Variants in SLC44A1 observed in about 807,000 individuals in gnomAD.
The protein encoded by SLC44A1 is choline transporter-like protein 1.
Under a neutral mutation model 79.3 loss-of-function variants are expected in SLC44A1, and 26 were observed. The observed-to-expected ratio is 0.33, with a 90% CI of 0.24 to 0.46. SLC44A1 has a LOEUF of 0.46. Ranked by LOEUF, SLC44A1 falls within the 20% of genes least tolerant of loss-of-function variation. The probability of loss-of-function intolerance (pLI) is 1.00; values close to 1 mark genes in which losing one functional copy is unlikely to be tolerated. For synonymous variants in SLC44A1, 263 were observed against 286.2 expected (o/e 0.92, Z 0.82); for missense variants, 688 against 798.1 (o/e 0.86, Z 1.66).
intron 1 of SLC44A1, among the ~76,000 whole-genome samples, chr9:105,290,969 G>A (rs1315154867): frequency 2.6e-5 from 4 of 152,194 alleles, no homozygotes; most frequent in African/African-American, 7.2e-5. Flanking sequence ...CTTAGCAAAT[G>A]AAACAGATTA....
chr9:105,264,355 T>C (rs1305514148), intron 1 of SLC44A1, among the ~76,000 whole-genome samples: 2 of 152,068 alleles, frequency 1.3e-5, no homozygotes, highest in African/African-American at 4.8e-5. Context: ...TTTGTAGAGA[T>C]GAGTTCTCAT....
chr9:105,279,016 G>GC (rs1193767635), intron 1 of SLC44A1, among the ~76,000 whole-genome samples: 1 of 152,052 alleles, frequency 6.6e-6, no homozygotes, highest in African/African-American at 2.4e-5. Flanking sequence ...AACAAACTGT[G>GC]CTGCTGACCT....
In SLC44A1 at chr9:105,322,030, C is replaced by T. The variant is rs149617126; in HGVS notation, c.269+12164C>T. 3.5e-3 allele frequency among the ~76,000 whole-genome samples: 531 copies of T among 152,126 alleles called. 7 individuals carry two copies. Among genetic ancestry groups the T allele is most frequent in the African/African-American group, 0.012 (507 of 41,492 alleles). ...AAATGTTTTTAAATTGTTTCTCATT[C>T]ACAAAATAATTTGAAAGGATTAGAA... is the stretch of plus-strand genomic sequence containing the variant. On this transcript the variant is annotated intron_variant, in intron 3 of 15. Transcript: ENST00000374720.
intron 2 of SLC44A1, among the ~76,000 whole-genome samples, chr9:105,304,210 G>T (rs916552108): frequency 6.6e-6 from 1 of 152,128 alleles, no homozygotes; most frequent in Non-Finnish European, 1.5e-5. Flanking sequence ...CCCAGGGCAT[G>T]ATGTTTCTAC....
At chr9:105,325,952 A>T (rs1826563158) in intron 3 of SLC44A1, among the ~76,000 whole-genome samples, 1 of 152,120 alleles carries the variant, frequency 6.6e-6, no homozygotes, top group African/African-American at 2.4e-5. Context: ...AAGAAAATGA[A>T]ATTTCTGGCC....
intron 6 of SLC44A1, chr9:105,357,102 C>T (rs554570369): frequency 6.6e-6 from 1 of 152,254 alleles, no homozygotes; most frequent in East Asian, 1.9e-4. Context: ...AAGATACAAG[C>T]TGTATTTCCG....
At chr9:105,275,297 A>G (rs1346304752) in intron 1 of SLC44A1, among the ~76,000 whole-genome samples, 1 of 152,218 alleles carries the variant, frequency 6.6e-6, no homozygotes, top group Non-Finnish European at 1.5e-5. Flanking sequence ...AATGTGTTTT[A>G]CAGCATCAGG....
chr9:105,319,940 G>T (rs1398623419), intron 3 of SLC44A1, among the ~76,000 whole-genome samples: 1 of 152,156 alleles, frequency 6.6e-6, no homozygotes, highest in South Asian at 2.1e-4. Context: ...GTAACTATAT[G>T]CAGTCATGCA....
chr9:105,391,005 A>G lies in SLC44A1; in HGVS notation c.*1949A>G. Reference sequence around the variant, plus strand: ...GAGAGCAAATCATGTGAGAAAATTCAGAATACCATCTGTTTCATAGCCGCA... The same window carrying G: ...GAGAGCAAATCATGTGAGAAAATTCGGAATACCATCTGTTTCATAGCCGCA... On this transcript the variant is annotated 3_prime_UTR_variant, in exon 16 of 16. Coordinates refer to ENST00000374720, the MANE Select transcript of SLC44A1 (RefSeq NM_080546.5). 1.0e-6 allele frequency: 1 copy of G among 985,502 alleles called. No individual in the cohort carries two copies. The highest frequency in any genetic ancestry group is 1.2e-6 in the Non-Finnish European group (1 of 829,566). The allele number at this position is 985,502 out of a possible 1,614,324, so 61.0% of individuals were successfully genotyped here.
chr9:105,389,125 G>A lies in SLC44A1; in HGVS notation c.*69G>A, dbSNP rs375377064. 24 of 1,582,092 alleles carry A rather than the reference G, an allele frequency of 1.5e-5. No homozygotes were observed. The African/African-American group carries it at 2.7e-4, about 18-fold the overall frequency. Reference sequence around the variant, plus strand: ...TATATACACATAACTATGTATTTGTGTGTGTGGGTGTGTGTATATATGTAT... The same window carrying A: ...TATATACACATAACTATGTATTTGTATGTGTGGGTGTGTGTATATATGTAT... On this transcript the variant is annotated 3_prime_UTR_variant, in exon 16 of 16. Transcript: ENST00000374720.
rs1829384250 is a variant in SLC44A1, at chr9:105,244,805, T to G, written c.-64T>G. 3 of 1,046,344 alleles carry G rather than the reference T, an allele frequency of 2.9e-6. No homozygotes were observed. The highest frequency in any genetic ancestry group is 1.7e-5 in the African/African-American group (1 of 58,126). The allele number at this position is 1,046,344 out of a possible 1,614,324, so 64.8% of individuals were successfully genotyped here. A position where few individuals can be genotyped will look rare whatever the true frequency, so the allele number is the denominator to read the frequency against. ...CTCCCCGGGCGCCCGCCGGCTCGCA[T>G]GCCGAGGGGCTCCGGGGCGTAGCTG... On this transcript the variant is annotated 5_prime_UTR_variant, in exon 1 of 16. An upstream start codon of the reference 5' UTR is lost. Transcript: ENST00000374720.
chr9:105,346,097 A>G (rs981655566), intron 4 of SLC44A1, among the ~76,000 whole-genome samples: 2 of 151,944 alleles, frequency 1.3e-5, no homozygotes, highest in Admixed American at 6.6e-5. Flanking sequence ...CTGTTACTGC[A>G]TTGTTTTAAT....
intron 15 of SLC44A1, among the ~76,000 whole-genome samples, chr9:105,435,922 G>A (rs1488948892): frequency 6.6e-6 from 1 of 152,226 alleles, no homozygotes; most frequent in Non-Finnish European, 1.5e-5. Flanking sequence ...ATTTGGCTGG[G>A]CGTGGTGGCT....
chr9:105,283,664 A>G (rs73510280), intron 1 of SLC44A1, among the ~76,000 whole-genome samples: 6,346 of 152,288 alleles, frequency 0.042, 446 homozygotes, highest in African/African-American at 0.14. Context: ...TTTAAGAACT[A>G]TTACATTTAT....
At chr9:105,434,681 C>G (rs1375771179) in intron 15 of SLC44A1, among the ~76,000 whole-genome samples, 2 of 152,292 alleles carry the variant, frequency 1.3e-5, no homozygotes, top group Admixed American at 1.3e-4. Context: ...AAGCTTTGAA[C>G]TGAATCTTCC....
In SLC44A1 at chr9:105,320,292, C is replaced by CTT. The variant is rs34573916; in HGVS notation, c.269+10446_269+10447dup. Among the ~76,000 whole-genome samples, 335 of 119,066 alleles carry CTT rather than the reference C, an allele frequency of 2.8e-3. 2 individuals are homozygous for CTT. Among genetic ancestry groups the CTT allele is most frequent in the South Asian group, 0.012 (41 of 3,542 alleles). 78.1% of individuals were successfully genotyped at this position (119,066 alleles called of 152,430 possible). A position where few individuals can be genotyped will look rare whatever the true frequency, so the allele number is the denominator to read the frequency against. On this transcript the variant is annotated intron_variant, in intron 3 of 15. Transcript: ENST00000374720. ...CCATTTGGGTTATTTCAATATTTAA[C>CTT]TTTTTTTTTTTTTTTTTTTTTACTA...
chr9:105,332,092 A>G (rs1826767276), intron 3 of SLC44A1, among the ~76,000 whole-genome samples: 1 of 150,996 alleles, frequency 6.6e-6, no homozygotes, highest in African/African-American at 2.4e-5. Context: ...ATTAAGCTTA[A>G]TATCTTTTCT....
At position 105,346,692 on chromosome 9, in the gene SLC44A1, G is replaced by C. The variant is rs867738763; in HGVS notation, c.407-1666G>C. 3.9e-5 allele frequency among the ~76,000 whole-genome samples: 6 copies of C among 152,012 alleles called. No homozygotes were observed. In the East Asian group the frequency reaches 7.7e-4, roughly 19 times the overall value. Reference sequence around the variant, plus strand: ...TGTAATCTAGTGGCATTATATTCAAGTATGAAAGACAGTACTCTTAGAAGA... The same window carrying C: ...TGTAATCTAGTGGCATTATATTCAACTATGAAAGACAGTACTCTTAGAAGA... On this transcript the variant is annotated intron_variant, in intron 4 of 15. Coordinates refer to ENST00000374720, the MANE Select transcript of SLC44A1 (RefSeq NM_080546.5).
intron 15 of SLC44A1, among the ~76,000 whole-genome samples, chr9:105,403,130 A>C (rs1179892620): frequency 6.6e-6 from 1 of 152,026 alleles, no homozygotes; most frequent in Non-Finnish European, 1.5e-5. Context: ...CGAAAAGATT[A>C]TTAAACTAAA....
Sources: gnomAD v4.1 joint callset for allele counts (sites outside exome capture counted in the v4.1 genomes callset) on GRCh38, gnomAD v4.1.1 for gene constraint, MANE v1.5 for transcripts, NCBI Gene and HGNC (gene_info 2026-07-23, HGNC 2026-07-21) for gene names.